Variants in AASDH observed in about 807,000 individuals in gnomAD.
AASDH encodes the protein aminoadipate-semialdehyde dehydrogenase.
Under a neutral mutation model 102.3 loss-of-function variants are expected in AASDH, and 81 were observed. The ratio of observed to expected loss-of-function variants is 0.79; its 90% CI spans 0.66 to 0.95. AASDH has a LOEUF of 0.95. Ranked by LOEUF, AASDH falls within the 40% of genes least tolerant of loss-of-function variation. The pLI is 0.00. For missense variants in AASDH, 1,203 were observed against 1,266.2 expected (o/e 0.95, Z 0.76); for synonymous variants, 398 against 454.0 (o/e 0.88, Z 1.57).
At chr4:56,367,164 C>T (rs78814488) in intron 5 of AASDH, among the ~76,000 whole-genome samples, 13,193 of 151,538 alleles carry the variant, frequency 0.087, 718 homozygotes, top group East Asian at 0.25. Flanking sequence ...TTACAAGGGA[C>T]GTGAAGGAAC....
At chr4:56,362,453 C>T (rs1358921632) in intron 5 of AASDH, among the ~76,000 whole-genome samples, 17 of 151,898 alleles carry the variant, frequency 1.1e-4, no homozygotes, top group South Asian at 4.2e-4. Context: ...TTAGTAGAGA[C>T]GGGGTTTTGC....
rs183413497 is a variant in AASDH, at chr4:56,371,708, A to G, written c.669-65T>C. ...ATTCAGTAAGCACATATCCTAAAAGAGTGTTCATGTGTTTATGATGATCAA... is the reference window on the plus strand; with the variant it reads ...ATTCAGTAAGCACATATCCTAAAAGGGTGTTCATGTGTTTATGATGATCAA... On this transcript the variant is annotated intron_variant, in intron 4 of 14. Transcript: ENST00000205214. The G allele has an allele frequency of 3.6e-3, 5,031 of 1,415,550 alleles. 16 individuals carry two copies. The highest frequency in any genetic ancestry group is 4.3e-3 in the Non-Finnish European group (4,503 of 1,050,686). 87.7% of individuals were successfully genotyped at this position (1,415,550 alleles called of 1,614,324 possible). A position where few individuals can be genotyped will look rare whatever the true frequency, so the allele number is the denominator to read the frequency against.
intron 4 of AASDH, among the ~76,000 whole-genome samples, chr4:56,374,118 G>A (rs892089123): frequency 1.5e-4 from 23 of 151,970 alleles, no homozygotes; most frequent in African/African-American, 4.6e-4. Flanking sequence ...GGTGGCTCAC[G>A]CTTGTAATCC....
intron 11 of AASDH, among the ~76,000 whole-genome samples, chr4:56,347,666 C>G (rs1308382826): frequency 2.0e-5 from 3 of 152,122 alleles, no homozygotes; most frequent in Admixed American, 6.5e-5. Context: ...CTTTGGGAGG[C>G]TGAGGTGGGC....
At chr4:56,355,625 T>C (rs1453256486) in intron 5 of AASDH, among the ~76,000 whole-genome samples, 1 of 149,218 alleles carries the variant, frequency 6.7e-6, no homozygotes, top group African/African-American at 2.5e-5. Flanking sequence ...TGGTTTTGTT[T>C]GTTTGTTTTT....
Position 56,343,700 on chromosome 4 carries a change from CAAAT to C in AASDH, c.2653-20_2653-17del, listed in dbSNP as rs754634670. On this transcript the variant is annotated splice_polypyrimidine_tract_variant and intron_variant, in intron 12 of 14. Coordinates refer to ENST00000205214, the MANE Select transcript of AASDH (RefSeq NM_181806.4). ...ACTTCTTTCTCTGCAAATAAGAAAA[CAAAT>C]TAATTTGTTCTTGTTGATGGTTAAC... 1.4e-5 allele frequency: 23 copies of C among 1,598,956 alleles called. No individual in the cohort carries two copies. The African/African-American group carries it at 2.6e-4, about 18-fold the overall frequency.
intron 4 of AASDH, among the ~76,000 whole-genome samples, chr4:56,377,135 T>C (rs890084919): frequency 6.6e-6 from 1 of 152,110 alleles, no homozygotes; most frequent in Non-Finnish European, 1.5e-5. Flanking sequence ...TTTCTTCCCT[T>C]TTCATTCATT....
rs1753281287 is a variant in AASDH at position 56,384,139 on chromosome 4, T to C, written c.161A>G (p.Asp54Gly). Residue 54 changes from aspartate (D) to glycine (G), a missense_variant, in exon 2 of 15, where the codon GAC becomes GGC. Coordinates refer to ENST00000205214, the MANE Select transcript of AASDH (RefSeq NM_181806.4). Reference protein sequence around the residue: ...ELSNFLLLHCDFQGIREIGLY... With the variant: ...ELSNFLLLHCGFQGIREIGLY... ...ACCAATTTCCCGAATTCCTTGAAAG[T>C]CACAGTGTAACAGCAGAAAATTTGA... is the stretch of plus-strand genomic sequence containing the variant. 17 of 1,614,062 alleles carry C rather than the reference T, an allele frequency of 1.1e-5. No individual in the cohort carries two copies. The highest frequency in any genetic ancestry group is 1.4e-5 in the Non-Finnish European group (17 of 1,180,028).
chr4:56,338,507 AG>A lies in AASDH; in HGVS notation c.3191del (p.Pro1064LeufsTer44). ...CCACAGGAGAAGAGAAGACTTCTCCAGGAAGTTCATAAACACTTTGCAATTG... is the reference window on the plus strand; with the variant it reads ...CCACAGGAGAAGAGAAGACTTCTCCAGAAGTTCATAAACACTTTGCAATTG... ...SGQLQSVYEL[P>X]GEVFSSPVVL... On this transcript the variant is annotated frameshift_variant, in exon 15 of 15. Coordinates refer to ENST00000205214, the MANE Select transcript of AASDH (RefSeq NM_181806.4). LOFTEE classifies it high-confidence loss of function. 1 of 1,614,032 alleles carries A rather than the reference AG, an allele frequency of 6.2e-7. No homozygotes were observed.
intron 5 of AASDH, among the ~76,000 whole-genome samples, chr4:56,368,868 T>TA (rs71666124): frequency 0.015 from 1,645 of 107,880 alleles, 29 homozygotes; most frequent in African/African-American, 0.044. Flanking sequence ...AAACTTAAAT[T>TA]AAAAAAAAAA....
In AASDH at chr4:56,349,676, G is replaced by A; in HGVS notation, c.2075C>T (p.Ser692Phe). ...SRGSQILSLNSTRFLTKLGHC... is the reference protein window; with the variant it reads ...SRGSQILSLNFTRFLTKLGHC... ...TCCTAACTTTGTTAAAAACCTAGTG[G>A]AATTCAGAGACAAAATTTGACTCCC... The change falls in exon 11 of 15, where the codon TCC (serine) becomes TTC (phenylalanine). Residue 692 changes from serine (S) to phenylalanine (F), a missense_variant. Transcript: ENST00000205214. 6.2e-7 allele frequency: 1 copy of A among 1,614,170 alleles called. No homozygotes were observed. The highest frequency in any genetic ancestry group is 1.3e-5 in the African/African-American group (1 of 75,048).
chr4:56,386,114 T>C (rs543348717), intron 1 of AASDH, among the ~76,000 whole-genome samples: 13 of 152,296 alleles, frequency 8.5e-5, no homozygotes, highest in African/African-American at 3.1e-4. Context: ...TTTAAACATA[T>C]AAGGCAACTT....
intron 5 of AASDH, among the ~76,000 whole-genome samples, chr4:56,359,902 G>A (rs1750107092): frequency 6.6e-6 from 1 of 152,132 alleles, no homozygotes; most frequent in Admixed American, 6.5e-5. Context: ...CATCCCATGT[G>A]TAGAAAGCAA....
chr4:56,387,278 T>C (rs1223759752), intron 1 of AASDH, 84 bp downstream of exon 1: 1 of 152,282 alleles, frequency 6.6e-6, no homozygotes, highest in Admixed American at 6.5e-5. Context: ...TGAGCAAATG[T>C]ATGTGGAAGC....
intron 9 of AASDH, among the ~76,000 whole-genome samples, chr4:56,352,617 A>G (rs2109886679): frequency 6.6e-6 from 1 of 152,288 alleles, no homozygotes; most frequent in Middle Eastern, 3.4e-3. Flanking sequence ...GCCAGTCTCA[A>G]ACTCCCAACC....
chr4:56,377,756 T>C (rs1479912326), intron 4 of AASDH, among the ~76,000 whole-genome samples: 1 of 152,204 alleles, frequency 6.6e-6, no homozygotes, highest in South Asian at 2.1e-4. Context: ...ACAAGAGTTA[T>C]AAAACCAAAC....
chr4:56,356,663 G>A lies in AASDH; in HGVS notation c.862-1240C>T, dbSNP rs1749677503. ...TTGCCTGCCCTGTGTCATAAAATGGGGGTCCCTTATTGCATTATCAAGGGG... is the reference window on the plus strand; with the variant it reads ...TTGCCTGCCCTGTGTCATAAAATGGAGGTCCCTTATTGCATTATCAAGGGG... On this transcript the variant is annotated intron_variant, in intron 5 of 14. Transcript: ENST00000205214. 2.3e-5 allele frequency: 16 copies of A among 686,876 alleles called. No homozygotes were observed. The Admixed American group carries it at 3.2e-4, about 14-fold the overall frequency. The allele number at this position is 686,876 out of a possible 1,614,324, so 42.5% of individuals were successfully genotyped here.
At chr4:56,354,851 T>C (rs775166627) in intron 6 of AASDH, 40 bp from the exon 7 acceptor site, 3 of 1,464,910 alleles carry the variant, frequency 2.0e-6, no homozygotes, top group Non-Finnish European at 2.8e-6. Flanking sequence ...AAATTTTTCA[T>C]TTGAATAGAA....
At position 56,354,852 on chromosome 4, in the gene AASDH, T is replaced by C. The variant is rs546673213; in HGVS notation, c.1104-41A>G. On this transcript the variant is annotated intron_variant, in intron 6 of 14. Transcript: ENST00000205214. The stretch of plus-strand genomic sequence containing the variant: ...ACAGAGCAGATTTAAAATTTTTCAT[T>C]TGAATAGAATATTTTCCAATATATT... 2.1e-6 allele frequency: 3 copies of C among 1,445,350 alleles called. No homozygotes were observed. The South Asian group carries it at 3.7e-5, about 18-fold the overall frequency. 89.5% of individuals were successfully genotyped at this position (1,445,350 alleles called of 1,614,324 possible). A position where few individuals can be genotyped will look rare whatever the true frequency, so the allele number is the denominator to read the frequency against.
Sources: gnomAD v4.1 joint callset for allele counts (sites outside exome capture counted in the v4.1 genomes callset) on GRCh38, gnomAD v4.1.1 for gene constraint, MANE v1.5 for transcripts, NCBI Gene and HGNC (gene_info 2026-07-23, HGNC 2026-07-21) for gene names.